CEP290: variants seen among roughly 807,000 people sequenced by gnomAD.
CEP290 encodes centrosomal protein 290.
A neutral mutation model predicts 344.9 loss-of-function variants in CEP290; 317 were observed. The ratio of observed to expected loss-of-function variants is 0.92; its 90% CI spans 0.84 to 1.01. CEP290 has a LOEUF of 1.01. CEP290 is among the 50% of genes least tolerant of loss of function. The pLI is 0.00. For missense variants in CEP290, 2,754 were observed against 2,761.4 expected (o/e 1.00, Z 0.06); for synonymous variants, 932 against 895.8 (o/e 1.04, Z -0.72).
chr12:88,103,560 T>TCTA (rs2038060288), intron 25 of CEP290: 1 of 152,296 alleles, frequency 6.6e-6, no homozygotes, highest in Non-Finnish European at 1.5e-5. Flanking sequence ...GGTTCATGGT[T>TCTA]CTACTCATCA....
chr12:88,104,176 C>T (rs960959662), intron 25 of CEP290: 3 of 152,018 alleles, frequency 2.0e-5, no homozygotes, highest in Non-Finnish European at 2.9e-5. Context: ...TCTTGATGCT[C>T]AGTATTAAGC....
chr12:88,080,493 A>C, intron 37 of CEP290, 98 bp from the exon 38 acceptor site: 1 of 833,644 alleles, frequency 1.2e-6, no homozygotes, highest in Non-Finnish European at 1.8e-6. Flanking sequence ...GCAGCAGCGC[A>C]ATCTCGGCTG....
chr12:88,101,854 C>G (rs1159182450), intron 26 of CEP290, among the ~76,000 whole-genome samples: 1 of 152,020 alleles, frequency 6.6e-6, no homozygotes, highest in Non-Finnish European at 1.5e-5. Context: ...GCATAATTTT[C>G]TATAAAAAGT....
intron 52 of CEP290, among the ~76,000 whole-genome samples, chr12:88,053,120 T>C (rs2033696859): frequency 1.3e-5 from 2 of 152,168 alleles, no homozygotes; most frequent in African/African-American, 2.4e-5. Context: ...ACATTGTACA[T>C]ATGAACATAC....
intron 19 of CEP290, among the ~76,000 whole-genome samples, 162 bp downstream of exon 19, chr12:88,114,936 G>A (rs2038947598): frequency 6.6e-6 from 1 of 152,014 alleles, no homozygotes; most frequent in East Asian, 1.9e-4. Context: ...AAAACAGCAA[G>A]GCAAATCAAC....
chr12:88,071,294 C>T lies in CEP290; in HGVS notation c.6011G>A (p.Arg2004Lys). ...LDLENDILYM[R>K]AHQALPRDSV... ...GGCACATTTCCACATAATAGCTTAC[C>T]TCATATACAATATATCATTTTCTAA... The change falls in exon 43 of 54, where the codon AGG (arginine) becomes AAG (lysine). Residue 2004 changes from arginine to lysine, a missense_variant and splice_region_variant. Coordinates refer to ENST00000552810, the MANE Select transcript of CEP290 (RefSeq NM_025114.4). 1.9e-6 allele frequency: 3 copies of T among 1,599,628 alleles called. No homozygotes were observed. The highest frequency in any genetic ancestry group is 2.6e-6 in the Non-Finnish European group (3 of 1,170,686).
chr12:88,058,587 C>T, intron 49 of CEP290: 1 of 439,790 alleles, frequency 2.3e-6, no homozygotes, highest in Non-Finnish European at 4.0e-6. Flanking sequence ...GACGCACACA[C>T]AGCTCCAACT....
intron 13 of CEP290, among the ~76,000 whole-genome samples, chr12:88,123,656 TA>T (rs1264159161): frequency 1.3e-5 from 2 of 152,120 alleles, no homozygotes; most frequent in Non-Finnish European, 2.9e-5. Context: ...CTTCTTAACC[TA>T]CATTTACTCC....
In CEP290 at chr12:88,114,474, A is replaced by G. The variant is rs376320828; in HGVS notation, c.1998T>C (p.Asp666=). The change falls in exon 20 of 54, where the codon GAT becomes GAC. Residue 666 remains aspartate, a synonymous_variant. Transcript: ENST00000552810. ...QAIKEMQKDP[D]VKGGETSLII... Reference sequence around the variant, plus strand: ...TTAGAGATGTTTCTCCTCCTTTAACATCAGGATCTTTCTGCATTTCCTTAA... The same window carrying G: ...TTAGAGATGTTTCTCCTCCTTTAACGTCAGGATCTTTCTGCATTTCCTTAA... The G allele has an allele frequency of 1.8e-5, 28 of 1,548,148 alleles. No homozygotes were observed. The highest frequency in any genetic ancestry group is 2.3e-5 in the Non-Finnish European group (26 of 1,145,568).
At position 88,125,481 on chromosome 12, in the gene CEP290, T is replaced by C. The variant is rs750292139; in HGVS notation, c.1066-112A>G. ...CAAGACTGTAGAACATATTTTCTTG[T>C]GGGTACAAGTATGCCTTTTACCATT... is the stretch of plus-strand genomic sequence containing the variant. On this transcript the variant is annotated intron_variant, in intron 12 of 53. Coordinates refer to ENST00000552810, the MANE Select transcript of CEP290 (RefSeq NM_025114.4). 4.5e-5 allele frequency: 20 copies of C among 445,210 alleles called. No individual in the cohort carries two copies. The Middle Eastern group carries it at 1.8e-3, about 40-fold the overall frequency. The allele number at this position is 445,210 out of a possible 1,614,324, so 27.6% of individuals were successfully genotyped here. A position where few individuals can be genotyped will look rare whatever the true frequency, so the allele number is the denominator to read the frequency against.
chr12:88,061,482 A>C (rs1425095863), intron 46 of CEP290, among the ~76,000 whole-genome samples: 1 of 152,208 alleles, frequency 6.6e-6, no homozygotes, highest in African/African-American at 2.4e-5. Flanking sequence ...GAGTTATCTG[A>C]AATAAAAAAC....
intron 22 of CEP290, 36 bp downstream of exon 22, chr12:88,111,165 GT>G: frequency 8.2e-7 from 1 of 1,212,762 alleles, no homozygotes; most frequent in Non-Finnish European, 1.1e-6. Context: ...TTATTCACAT[GT>G]AAAATTTTCA....
At chr12:88,053,128 TACAA>T (rs1477425196) in intron 52 of CEP290, among the ~76,000 whole-genome samples, 1 of 152,106 alleles carries the variant, frequency 6.6e-6, no homozygotes, top group African/African-American at 2.4e-5. Context: ...CATATGAACA[TACAA>T]ACACATGTAT....
intron 44 of CEP290, among the ~76,000 whole-genome samples, chr12:88,068,240 C>CTACA (rs1395060006): frequency 2.0e-5 from 3 of 151,976 alleles, no homozygotes; most frequent in Non-Finnish European, 1.5e-5. Flanking sequence ...TATACTGCTG[C>CTACA]TACAGCAAAA....
At position 88,054,251 on chromosome 12, in the gene CEP290, C is replaced by G. The variant is rs1480054550; in HGVS notation, c.7034+89G>C. 4.9e-6 allele frequency: 4 copies of G among 822,762 alleles called. No individual in the cohort carries two copies. In the East Asian group the frequency reaches 1.1e-4, roughly 23 times the overall value. The allele number at this position is 822,762 out of a possible 1,614,324, so 51.0% of individuals were successfully genotyped here. A position where few individuals can be genotyped will look rare whatever the true frequency, so the allele number is the denominator to read the frequency against. ...GGCAGTAAAGTCGAAAAATGCTTGTCTCTAGTTGTAGCAATTCGGAGTATA... is the reference window on the plus strand; with the variant it reads ...GGCAGTAAAGTCGAAAAATGCTTGTGTCTAGTTGTAGCAATTCGGAGTATA... On this transcript the variant is annotated intron_variant, in intron 51 of 53. Coordinates refer to ENST00000552810, the MANE Select transcript of CEP290 (RefSeq NM_025114.4).
At chr12:88,126,076 C>T (rs1441283834) in intron 12 of CEP290, among the ~76,000 whole-genome samples, 1 of 151,934 alleles carries the variant, frequency 6.6e-6, no homozygotes. Context: ...TGTGTACTAT[C>T]CACATAAACA....
chr12:88,066,506 T>C (rs2034949889), intron 44 of CEP290, among the ~76,000 whole-genome samples: 1 of 150,496 alleles, frequency 6.6e-6, no homozygotes, highest in African/African-American at 2.4e-5. Flanking sequence ...AGATGGGGTC[T>C]CTCAAGGCTG....
chr12:88,057,444 G>T (rs2034099743), intron 49 of CEP290, among the ~76,000 whole-genome samples: 1 of 152,120 alleles, frequency 6.6e-6, no homozygotes, highest in Non-Finnish European at 1.5e-5. Context: ...GAAAACAAAG[G>T]AACGACCAAG....
intron 52 of CEP290, among the ~76,000 whole-genome samples, chr12:88,053,097 AATG>A (rs1322154103): frequency 6.6e-6 from 1 of 152,180 alleles, no homozygotes; most frequent in Non-Finnish European, 1.5e-5. Flanking sequence ...ATCCACAAAT[AATG>A]AGGATATGTA....
Sources: allele counts gnomAD v4.1 joint callset (sites outside exome capture counted in the v4.1 genomes callset), GRCh38; gene constraint gnomAD v4.1.1; transcripts MANE v1.5; gene names NCBI Gene and HGNC (gene_info 2026-07-23, HGNC 2026-07-21).